ATP5MC3: variants seen among roughly 807,000 people sequenced by gnomAD.
ATP5MC3 encodes ATP synthase F(0) complex subunit C3, mitochondrial.
ATP5MC3 carries 6 observed loss-of-function variants against 15.6 expected under a neutral mutation model. The ratio of observed to expected loss-of-function variants is 0.38; its 90% confidence interval spans 0.21 to 0.76. The LOEUF is 0.76. ATP5MC3 is among the 30% of genes least tolerant of loss of function. The pLI is 0.44. For missense variants in ATP5MC3, 132 were observed against 171.2 expected, an observed-to-expected ratio of 0.77 and a Z score of 1.28; for synonymous variants, 66 against 63.3, an observed-to-expected ratio of 1.04 and a Z score of -0.20.
chr2:175,179,546 G>A (rs943038120), intron 3 of ATP5MC3: 3 of 311,446 alleles, frequency 9.6e-6, no homozygotes, highest in Non-Finnish European at 1.8e-5. Flanking sequence ...TGTCACCCAG[G>A]CTGGAGTGCA....
chr2:175,181,321 C>A, intron 2 of ATP5MC3, 34 bp downstream of exon 2: 1 of 1,608,264 alleles, frequency 6.2e-7, no homozygotes, highest in South Asian at 1.1e-5. Flanking sequence ...AACGCCCACC[C>A]CTCAATCCCC....
rs1302141678 is a variant in ATP5MC3 at position 175,181,469 on chromosome 2, G to A, written c.-73-3C>T. The A allele has an allele frequency of 7.0e-6, 11 of 1,574,640 alleles. No homozygotes were observed. Among genetic ancestry groups the A allele is most frequent in the South Asian group, 1.1e-5 (1 of 87,618 alleles). On this transcript the variant is annotated splice_region_variant and splice_polypyrimidine_tract_variant and intron_variant, in intron 1 of 4. Coordinates refer to ENST00000284727, the MANE Select transcript of ATP5MC3 (RefSeq NM_001689.5). ...TGGGCTCCTCTCCCGCTTCCTCTCT[G>A]CGGAGGAAAAGAGGCTTAAGGTCAA...
Position 175,176,382 on chromosome 2 carries a change from CAT to C in ATP5MC3, c.*1904_*1905del, listed in dbSNP as rs1160845561. 1.3e-5 allele frequency: 2 copies of C among 151,802 alleles called. No homozygotes were observed. The highest frequency in any genetic ancestry group is 2.9e-5 in the Non-Finnish European group (2 of 67,990). The allele number at this position is 151,802 out of a possible 1,614,324, so 9.4% of individuals were successfully genotyped here. A position where few individuals can be genotyped will look rare whatever the true frequency, so the allele number is the denominator to read the frequency against. ...GTATTAAATAGTAGTTTCAGTAAGACATGTAAAATTTGCCATTTTAACCACCT... is the reference window on the plus strand; with the variant it reads ...GTATTAAATAGTAGTTTCAGTAAGACGTAAAATTTGCCATTTTAACCACCT... On this transcript the variant is annotated 3_prime_UTR_variant, in exon 5 of 5. Coordinates refer to ENST00000284727, the MANE Select transcript of ATP5MC3 (RefSeq NM_001689.5).
chr2:175,180,314 C>T, intron 2 of ATP5MC3, 136 bp from the exon 3 acceptor site: 1 of 566,640 alleles, frequency 1.8e-6, no homozygotes, highest in Non-Finnish European at 2.8e-6. Flanking sequence ...TGACTCTTTG[C>T]TGTTTGGTCA....
rs1559142538 is a variant in ATP5MC3 at position 175,178,281 on chromosome 2, T to C, written c.*7A>G. 6.2e-7 allele frequency: 1 copy of C among 1,603,828 alleles called. No individual in the cohort carries two copies. Among genetic ancestry groups the C allele is most frequent in the East Asian group, 2.2e-5 (1 of 44,772 alleles). On this transcript the variant is annotated 3_prime_UTR_variant, in exon 5 of 5. Transcript: ENST00000284727. ...ATATGAATGCCAACATGTCAAGCAGTAATTTGTTACATGGCAAACAAAATC... is the reference window on the plus strand; with the variant it reads ...ATATGAATGCCAACATGTCAAGCAGCAATTTGTTACATGGCAAACAAAATC...
At position 175,177,321 on chromosome 2, in the gene ATP5MC3, A is replaced by T. The variant is rs1700701390; in HGVS notation, c.*967T>A. The T allele has an allele frequency of 6.6e-6, 1 of 152,190 alleles. No individual in the cohort carries two copies. The highest frequency in any genetic ancestry group is 2.4e-5 in the African/African-American group (1 of 41,452). The allele number at this position is 152,190 out of a possible 1,614,324, so 9.4% of individuals were successfully genotyped here. On this transcript the variant is annotated 3_prime_UTR_variant, in exon 5 of 5. Transcript: ENST00000284727. ...GGCAAAGGGCACTAAGAAAAGTAAAATGTCACTTTCCTAATTATCAACTTT... is the reference window on the plus strand; with the variant it reads ...GGCAAAGGGCACTAAGAAAAGTAAATTGTCACTTTCCTAATTATCAACTTT...
At chr2:175,179,374 T>C in intron 3 of ATP5MC3, 124 bp from the exon 4 acceptor site, 1 of 1,245,420 alleles carries the variant, frequency 8.0e-7, no homozygotes, top group African/African-American at 1.5e-5. Flanking sequence ...AAGAGACAAA[T>C]CAAGAGCTTA....
intron 3 of ATP5MC3, 82 bp downstream of exon 3, chr2:175,180,016 A>G (rs533821173): frequency 8.3e-7 from 1 of 1,198,516 alleles, no homozygotes; most frequent in African/African-American, 1.6e-5. Context: ...ACTCTTATTA[A>G]TAAAGTTTTT....
At chr2:175,180,248 T>TAAAA in intron 2 of ATP5MC3, 70 bp from the exon 3 acceptor site, 2 of 1,194,084 alleles carry the variant, frequency 1.7e-6, no homozygotes, top group Non-Finnish European at 2.3e-6. Context: ...ATGACTTTTC[T>TAAAA]GGTACCATGA....
chr2:175,181,463 C>G lies in ATP5MC3; in HGVS notation c.-70G>C, dbSNP rs1040747511. On this transcript the variant is annotated 5_prime_UTR_variant, in exon 2 of 5. Transcript: ENST00000284727. ...GCGACGTGGGCTCCTCTCCCGCTTC[C>G]TCTCTGCGGAGGAAAAGAGGCTTAA... 13 of 1,590,080 alleles carry G rather than the reference C, an allele frequency of 8.2e-6. No homozygotes were observed. Among genetic ancestry groups the G allele is most frequent in the African/African-American group, 1.3e-5 (1 of 74,516 alleles).
In ATP5MC3 at chr2:175,176,913, G is replaced by T. The variant is rs913023553; in HGVS notation, c.*1375C>A. The T allele has an allele frequency of 6.6e-6, 1 of 152,058 alleles. No individual in the cohort carries two copies. Among genetic ancestry groups the T allele is most frequent in the Non-Finnish European group, 1.5e-5 (1 of 68,014 alleles). 9.4% of individuals were successfully genotyped at this position (152,058 alleles called of 1,614,324 possible). ...TGGTTGTTTCTACCTTTCGGCTATT[G>T]TAAGTAGTGCTTCTATGAATACTTG... On this transcript the variant is annotated 3_prime_UTR_variant, in exon 5 of 5. Transcript: ENST00000284727.
rs1378527491 is a variant in ATP5MC3, at chr2:175,176,862, TATCCATTC to T, written c.*1418_*1425del. 6.6e-6 allele frequency: 1 copy of T among 152,238 alleles called. No homozygotes were observed. Among genetic ancestry groups the T allele is most frequent in the Non-Finnish European group, 1.5e-5 (1 of 68,026 alleles). The allele number at this position is 152,238 out of a possible 1,614,324, so 9.4% of individuals were successfully genotyped here. A position where few individuals can be genotyped will look rare whatever the true frequency, so the allele number is the denominator to read the frequency against. ...TTCCATTATATGGATGTATTTTACT[TATCCATTC>T]ATCAGCTGATAGACATTTGGTTGTT... On this transcript the variant is annotated 3_prime_UTR_variant, in exon 5 of 5. Transcript: ENST00000284727.
Position 175,181,344 on chromosome 2 carries a change from G to C in ATP5MC3, c.39+11C>G. 6.2e-7 allele frequency: 1 copy of C among 1,613,236 alleles called. No homozygotes were observed. On this transcript the variant is annotated intron_variant, in intron 2 of 4. Transcript: ENST00000284727. ...CCCCTCAATCCCCCCGACCCTGCCT[G>C]GGCTACGCACCAGAGAGGGGGTGCA...
chr2:175,181,700 G>T lies in ATP5MC3; in HGVS notation c.-118C>A. On this transcript the variant is annotated 5_prime_UTR_variant, in exon 1 of 5. Transcript: ENST00000284727. ...GGCACGGGCTGCGGCAGAGGTCGAA[G>T]GAGTGGGACTCAATGCGCAAGCGCG... is the stretch of plus-strand genomic sequence containing the variant. 2.5e-6 allele frequency: 1 copy of T among 395,976 alleles called. No individual in the cohort carries two copies. The highest frequency in any genetic ancestry group is 4.5e-6 in the Non-Finnish European group (1 of 221,252). 24.5% of individuals were successfully genotyped at this position (395,976 alleles called of 1,614,324 possible). A position where few individuals can be genotyped will look rare whatever the true frequency, so the allele number is the denominator to read the frequency against.
In ATP5MC3 at chr2:175,179,063, T is replaced by A. The variant is rs141520961; in HGVS notation, c.308A>T (p.Tyr103Phe). ...TAGGGATAGAAATGATTACCTGGCA[T>A]AACCAATGATAAGGCTGCCAAAGAC... The part of the protein sequence containing the change: ...GTVFGSLIIG[Y>F]ARNPSLKQQL... Residue 103 changes from tyrosine (Y) to phenylalanine (F), a missense_variant, in exon 4 of 5, where the codon TAT (tyrosine) becomes TTT (phenylalanine). Physicochemically the swap from Tyr to Phe is conservative, Grantham distance 22. Around this residue, in one of 2 missense-constraint regions of ATP5MC3, gnomAD observed 42 missense variants for 85.0 expected, o/e 0.49. Coordinates refer to ENST00000284727, the MANE Select transcript of ATP5MC3 (RefSeq NM_001689.5). 2 of 1,612,900 alleles carry A rather than the reference T, an allele frequency of 1.2e-6. No homozygotes were observed. The highest frequency in any genetic ancestry group is 1.7e-5 in the Admixed American group (1 of 59,978).
At position 175,180,165 on chromosome 2, in the gene ATP5MC3, G is replaced by C; in HGVS notation, c.53C>G (p.Ser18Cys). The C allele has an allele frequency of 6.3e-7, 1 of 1,590,514 alleles. No homozygotes were observed. The highest frequency in any genetic ancestry group is 8.5e-7 in the Non-Finnish European group (1 of 1,174,016). ...ACTPSLIRAG[S>C]RVAYRPISAS... Reference sequence around the variant, plus strand: ...AGAAATTGGTCTGTATGCAACTCTGGATCCAGCTCGGATCTATTAATGAAA... The same window carrying C: ...AGAAATTGGTCTGTATGCAACTCTGCATCCAGCTCGGATCTATTAATGAAA... Residue 18 changes from serine (S) to cysteine (C), a missense_variant, in exon 3 of 5, where the codon TCC becomes TGC. By Grantham distance (112) the Ser-to-Cys change is moderately radical. Coordinates refer to ENST00000284727, the MANE Select transcript of ATP5MC3 (RefSeq NM_001689.5).
chr2:175,177,283 T>C lies in ATP5MC3; in HGVS notation c.*1005A>G, dbSNP rs1279675256. ...AACTTTGGTGACTGCTCTTTCTCAA[T>C]GGAAATCAAACAGGCAAAGGGCACT... On this transcript the variant is annotated 3_prime_UTR_variant, in exon 5 of 5. Transcript: ENST00000284727. 3 of 152,252 alleles carry C rather than the reference T, an allele frequency of 2.0e-5. No individual in the cohort carries two copies. Among genetic ancestry groups the C allele is most frequent in the African/African-American group, 7.2e-5 (3 of 41,548 alleles). The allele number at this position is 152,252 out of a possible 1,614,324, so 9.4% of individuals were successfully genotyped here.
intron 2 of ATP5MC3, 28 bp downstream of exon 2, chr2:175,181,327 T>TC (rs1404444287): frequency 6.2e-7 from 1 of 1,608,662 alleles, no homozygotes; most frequent in Non-Finnish European, 8.5e-7. Context: ...CACCCCTCAA[T>TC]CCCCCCGACC....
At chr2:175,179,923 G>C (rs559291195) in intron 3 of ATP5MC3, 175 bp downstream of exon 3, 322 of 528,736 alleles carry the variant, frequency 6.1e-4, no homozygotes, top group Non-Finnish European at 9.4e-4. Flanking sequence ...TTCTCTATTC[G>C]TCTCATCTAG....
Sources: gnomAD v4.1 joint callset for allele counts on GRCh38, gnomAD v4.1.1 for gene constraint, gnomAD v4.1.1 regional missense constraint, MANE v1.5 for transcripts, NCBI Gene and HGNC (gene_info 2026-07-23, HGNC 2026-07-21) for gene names.